The following UBE2E2 variants were observed in gnomAD, a reference collection of about 807,000 sequenced individuals.
UBE2E2 encodes the protein ubiquitin conjugating enzyme E2 E2, also known as ubiquitin-conjugating enzyme E2 E2.
Under a neutral mutation model 24.7 loss-of-function variants are expected in UBE2E2, and 6 were observed. That is an observed-to-expected ratio of 0.24 (90% confidence interval 0.13 to 0.48). The LOEUF is 0.48. Ranked by LOEUF, UBE2E2 falls within the 20% of genes least tolerant of loss-of-function variation. The probability of loss-of-function intolerance (pLI) is 0.99; values close to 1 mark genes in which losing one functional copy is unlikely to be tolerated. For synonymous variants in UBE2E2, 104 were observed against 83.6 expected (o/e 1.24, Z -1.33); for missense variants, 169 against 245.0 (o/e 0.69, Z 2.07).
chr3:23,495,993 C>T (rs1370259558), intron 3 of UBE2E2, among the ~76,000 whole-genome samples: 1 of 152,108 alleles, frequency 6.6e-6, no homozygotes, highest in Non-Finnish European at 1.5e-5. Context: ...CATCTGTTTC[C>T]TCCCATCTCC....
intron 5 of UBE2E2, among the ~76,000 whole-genome samples, chr3:23,587,602 A>G (rs1696656397): frequency 6.6e-6 from 1 of 152,232 alleles, no homozygotes; most frequent in Admixed American, 6.5e-5. Flanking sequence ...CAGGAATCAG[A>G]ACAAGATTAC....
At chr3:23,307,929 T>G (rs1699280656) in intron 3 of UBE2E2, among the ~76,000 whole-genome samples, 1 of 152,174 alleles carries the variant, frequency 6.6e-6, no homozygotes, top group Non-Finnish European at 1.5e-5. Context: ...AAAATCAGTT[T>G]GATCTTGAAT....
intron 3 of UBE2E2, among the ~76,000 whole-genome samples, chr3:23,358,291 C>G (rs540656083): frequency 6.7e-6 from 1 of 149,202 alleles, no homozygotes; most frequent in Non-Finnish European, 1.5e-5. Flanking sequence ...TTCAACAGAG[C>G]AAACACAAAC....
At chr3:23,522,148 T>TAGGCA (rs58369100) in intron 4 of UBE2E2, among the ~76,000 whole-genome samples, 146 of 115,178 alleles carry the variant, frequency 1.3e-3, no homozygotes, top group African/African-American at 4.6e-3. Flanking sequence ...TTTTTTTTTT[T>TAGGCA]GAGGCAGAGT....
intron 3 of UBE2E2, among the ~76,000 whole-genome samples, chr3:23,287,617 A>G (rs574495426): frequency 6.6e-6 from 1 of 152,220 alleles, no homozygotes; most frequent in East Asian, 1.9e-4. Flanking sequence ...TGGTCTGTTC[A>G]GGTTTTGGAT....
At chr3:23,211,468 A>G (rs1199064973) in intron 2 of UBE2E2, among the ~76,000 whole-genome samples, 1 of 143,754 alleles carries the variant, frequency 7.0e-6, no homozygotes, top group Non-Finnish European at 1.5e-5. Context: ...GTGCAGTGGT[A>G]TGATCTCCAA....
intron 3 of UBE2E2, among the ~76,000 whole-genome samples, chr3:23,335,396 T>C (rs987520945): frequency 1.2e-4 from 18 of 152,192 alleles, no homozygotes; most frequent in Non-Finnish European, 2.6e-4. Context: ...CACAGACATA[T>C]AAGGCATTTT....
chr3:23,220,902 G>C (rs999867797), intron 3 of UBE2E2, among the ~76,000 whole-genome samples: 6 of 152,106 alleles, frequency 3.9e-5, no homozygotes, highest in Admixed American at 3.9e-4. Context: ...ATACTTCCTC[G>C]GTGCTAGTGG....
intron 4 of UBE2E2, among the ~76,000 whole-genome samples, chr3:23,500,637 A>T (rs1376354753): frequency 1.3e-5 from 2 of 152,248 alleles, no homozygotes; most frequent in Non-Finnish European, 2.9e-5. Context: ...GGGTTGGAGT[A>T]AACAATATAA....
intron 3 of UBE2E2, among the ~76,000 whole-genome samples, chr3:23,250,913 A>C (rs186840171): frequency 8.7e-4 from 133 of 152,286 alleles, no homozygotes; most frequent in Non-Finnish European, 1.5e-3. Context: ...GCTGGCATGC[A>C]CTAGCACCAT....
intron 3 of UBE2E2, among the ~76,000 whole-genome samples, chr3:23,487,898 C>A (rs1474701236): frequency 1.3e-5 from 2 of 152,032 alleles, no homozygotes; most frequent in Non-Finnish European, 2.9e-5. Context: ...TCTTCCACTT[C>A]CTCTGCTTTG....
In UBE2E2 at chr3:23,208,709, G is replaced by A. The variant is rs1696223738; in HGVS notation, c.10G>A (p.Glu4Lys). MST[E>K]AQRVDDSPST... ...TAATCCAGGATCTAAAATGTCCACT[G>A]AGGCACAAAGAGTTGATGACAGTCC... Residue 4 changes from glutamate (E) to lysine (K), a missense_variant, in exon 2 of 6, where the codon GAG (glutamate) becomes AAG (lysine). Transcript: ENST00000396703. The A allele has an allele frequency of 6.2e-7, 1 of 1,605,938 alleles. No individual in the cohort carries two copies. Among genetic ancestry groups the A allele is most frequent in the Non-Finnish European group, 8.5e-7 (1 of 1,176,686 alleles).
At chr3:23,469,924 G>A (rs1287237976) in intron 3 of UBE2E2, among the ~76,000 whole-genome samples, 3 of 152,192 alleles carry the variant, frequency 2.0e-5, no homozygotes, top group South Asian at 2.1e-4. Flanking sequence ...TCTGGCAAGT[G>A]TCTGAATAAG....
intron 3 of UBE2E2, among the ~76,000 whole-genome samples, chr3:23,240,602 G>A (rs1313237419): frequency 6.6e-6 from 1 of 152,226 alleles, no homozygotes; most frequent in Middle Eastern, 3.2e-3. Context: ...AAAGCTCACT[G>A]TGTCTGCAGT....
chr3:23,412,073 G>A (rs962083569), intron 3 of UBE2E2, among the ~76,000 whole-genome samples: 2 of 151,928 alleles, frequency 1.3e-5, no homozygotes, highest in African/African-American at 4.8e-5. Flanking sequence ...TGACAGTGTG[G>A]ACCCCATATC....
chr3:23,498,806 T>A (rs1284266369), intron 3 of UBE2E2, among the ~76,000 whole-genome samples: 1 of 152,158 alleles, frequency 6.6e-6, no homozygotes, highest in Non-Finnish European at 1.5e-5. Context: ...AATCCTAATC[T>A]CATTTTGCCC....
At chr3:23,298,780 T>G (rs1328569427) in intron 3 of UBE2E2, among the ~76,000 whole-genome samples, 3 of 152,154 alleles carry the variant, frequency 2.0e-5, no homozygotes, top group African/African-American at 7.2e-5. Flanking sequence ...CAGGCTTTGG[T>G]ATCAGGATGA....
intron 3 of UBE2E2, among the ~76,000 whole-genome samples, chr3:23,396,715 C>G (rs1020886010): frequency 3.3e-5 from 5 of 152,114 alleles, no homozygotes; most frequent in African/African-American, 1.2e-4. Flanking sequence ...GTAACTTCTT[C>G]ATAGGAGTAA....
At chr3:23,560,401 CT>C (rs1411303631) in intron 5 of UBE2E2, among the ~76,000 whole-genome samples, 1 of 152,030 alleles carries the variant, frequency 6.6e-6, no homozygotes, top group Non-Finnish European at 1.5e-5. Flanking sequence ...TGAACTCATC[CT>C]TTTTTATGGC....
Sources: allele counts gnomAD v4.1 joint callset (sites outside exome capture counted in the v4.1 genomes callset), GRCh38; gene constraint gnomAD v4.1.1; transcripts MANE v1.5; gene names NCBI Gene and HGNC (gene_info 2026-07-23, HGNC 2026-07-21).